C7orf78: variants seen among roughly 807,000 people sequenced by gnomAD.
C7orf78 encodes chromosome 7 open reading frame 78, also known as putative uncharacterized protein C7orf78.
chr7:12,537,233 G>A, the C7orf78 span, among the ~76,000 whole-genome samples: 5 of 152,204 alleles, frequency 3.3e-5, no homozygotes, highest in East Asian at 1.9e-4. Context: ...CAGTCATGGC[G>A]GAAGGTGAAA....
chr7:12,520,048 A>G, the C7orf78 span, among the ~76,000 whole-genome samples: 85 of 152,284 alleles, frequency 5.6e-4, 1 homozygote, highest in Middle Eastern at 6.8e-3. Context: ...GAGCTCTCCA[A>G]TGGTTGGGAT....
At chr7:12,495,500 T>G in the C7orf78 span, among the ~76,000 whole-genome samples, 1 of 152,214 alleles carries the variant, frequency 6.6e-6, no homozygotes, top group African/African-American at 2.4e-5. Flanking sequence ...CTCACCTTTC[T>G]TAAGCTTCAA....
chr7:12,537,355 G>A, the C7orf78 span, among the ~76,000 whole-genome samples: 1 of 152,102 alleles, frequency 6.6e-6, no homozygotes, highest in African/African-American at 2.4e-5. Flanking sequence ...AACAGCACAG[G>A]AAAAACCTGC....
chr7:12,515,979 C>T, the C7orf78 span, among the ~76,000 whole-genome samples: 1 of 152,006 alleles, frequency 6.6e-6, no homozygotes, highest in Non-Finnish European at 1.5e-5. Flanking sequence ...AAAGAAAAAC[C>T]CATTTTCTGA....
the C7orf78 span, among the ~76,000 whole-genome samples, chr7:12,540,258 G>C: frequency 6.6e-6 from 1 of 152,086 alleles, no homozygotes; most frequent in Non-Finnish European, 1.5e-5. Context: ...TTCTCTAAAG[G>C]AGCTCCTGTC....
chr7:12,537,921 CAT>C, the C7orf78 span, among the ~76,000 whole-genome samples: 4 of 152,022 alleles, frequency 2.6e-5, no homozygotes, highest in Non-Finnish European at 5.9e-5. Context: ...TATATATACA[CAT>C]ATCTGTATAT....
At chr7:12,498,753 G>A in the C7orf78 span, among the ~76,000 whole-genome samples, 1 of 149,216 alleles carries the variant, frequency 6.7e-6, no homozygotes, top group South Asian at 2.2e-4. Context: ...GATACTCCTC[G>A]AGAAGAGCAA....
chr7:12,516,191 G>T, the C7orf78 span, among the ~76,000 whole-genome samples: 1 of 152,184 alleles, frequency 6.6e-6, no homozygotes, highest in Admixed American at 6.5e-5. Context: ...CTAGGGACTT[G>T]GTGCCCTATG....
At chr7:12,518,895 G>T in the C7orf78 span, among the ~76,000 whole-genome samples, 3 of 152,094 alleles carry the variant, frequency 2.0e-5, no homozygotes, top group Non-Finnish European at 4.4e-5. Flanking sequence ...GCTCTGGGAA[G>T]TGAATATTTA....
chr7:12,523,561 C>T, the C7orf78 span: 3 of 392,922 alleles, frequency 7.6e-6, no homozygotes, highest in Non-Finnish European at 1.3e-5. Flanking sequence ...TATAATGCTG[C>T]CTTTTTTTCT....
chr7:12,537,906 G>GTATA, the C7orf78 span, among the ~76,000 whole-genome samples: 1 of 151,734 alleles, frequency 6.6e-6, no homozygotes, highest in Admixed American at 6.6e-5. Context: ...TATGTACAAT[G>GTATA]TATATATATA....
At chr7:12,533,512 CTTTTTT>C in the C7orf78 span, among the ~76,000 whole-genome samples, 2 of 112,606 alleles carry the variant, frequency 1.8e-5, no homozygotes, top group Non-Finnish European at 3.6e-5. Context: ...CCAAAGGTTT[CTTTTTT>C]TTTTTTTTTT....
the C7orf78 span, among the ~76,000 whole-genome samples, chr7:12,500,259 A>T: frequency 6.6e-6 from 1 of 152,252 alleles, no homozygotes; most frequent in South Asian, 2.1e-4. Context: ...TAGAGACACA[A>T]GAAACCCTTC....
At chr7:12,531,226 G>A in the C7orf78 span, 5 of 392,980 alleles carry the variant, frequency 1.3e-5, no homozygotes, top group East Asian at 1.8e-4. Flanking sequence ...AAGTGAAATA[G>A]TTGCATGGTG....
the C7orf78 span, among the ~76,000 whole-genome samples, chr7:12,539,276 A>T: frequency 6.6e-6 from 1 of 152,104 alleles, no homozygotes; most frequent in South Asian, 2.1e-4. Flanking sequence ...CATCCTGGCT[A>T]ACACAGTGAA....
At chr7:12,492,758 G>C in the C7orf78 span, among the ~76,000 whole-genome samples, 2 of 152,168 alleles carry the variant, frequency 1.3e-5, no homozygotes, top group African/African-American at 4.8e-5. Flanking sequence ...CAAATGCCTT[G>C]AAGTCAAAAG....
chr7:12,506,587 A>G, the C7orf78 span, among the ~76,000 whole-genome samples: 2 of 152,160 alleles, frequency 1.3e-5, no homozygotes, highest in Admixed American at 1.3e-4. Context: ...TGGGAGTTCA[A>G]CAATGAGAAC....
chr7:12,509,903 G>A, the C7orf78 span, among the ~76,000 whole-genome samples: 7 of 151,840 alleles, frequency 4.6e-5, no homozygotes, highest in Non-Finnish European at 1.0e-4. Flanking sequence ...GCGTGGTGGC[G>A]GGTGCCTGTA....
chr7:12,503,911 A>G, the C7orf78 span, among the ~76,000 whole-genome samples: 8 of 152,222 alleles, frequency 5.3e-5, no homozygotes, highest in African/African-American at 1.9e-4. Flanking sequence ...GGTGTTTGAG[A>G]CCAGCCTAGG....
Sources: gnomAD v4.1 joint callset for allele counts (sites outside exome capture counted in the v4.1 genomes callset) on GRCh38, gnomAD v4.1.1 for gene constraint, MANE v1.5 for transcripts, NCBI Gene and HGNC (gene_info 2026-07-23, HGNC 2026-07-21) for gene names.